Variants in TLN2 observed in about 807,000 individuals in gnomAD.
TLN2 encodes the protein talin 2.
In TLN2, 118 loss-of-function variants were observed where a neutral mutation model predicts 294.7. The observed-to-expected ratio is 0.40, with a 90% CI of 0.34 to 0.47. The LOEUF (loss-of-function observed/expected upper bound fraction) is 0.47. Ranked by LOEUF, TLN2 falls within the 20% of genes least tolerant of loss-of-function variation. The pLI is 0.84. For synonymous variants in TLN2, 1,431 were observed against 1,304.5 expected (o/e 1.10, Z -2.09); for missense variants, 3,083 against 3,282.2 (o/e 0.94, Z 1.48).
chr15:62,572,059 A>G (rs965532413), intron 1 of TLN2, among the ~76,000 whole-genome samples: 2 of 152,110 alleles, frequency 1.3e-5, no homozygotes, highest in African/African-American at 4.8e-5. Context: ...TGGCAGGAAC[A>G]TCGTAGATAC....
chr15:62,814,584 A>T (rs1175039993), intron 52 of TLN2, among the ~76,000 whole-genome samples: 5 of 152,152 alleles, frequency 3.3e-5, no homozygotes, highest in Non-Finnish European at 7.4e-5. Flanking sequence ...GTATTCATTT[A>T]TTTGTTCATG....
In TLN2 at chr15:62,447,555, C is replaced by T. The variant is rs575221408; in HGVS notation, c.-238+56870C>T. The stretch of plus-strand genomic sequence containing the variant: ...TGTCGCCCAGGCTGGAGTGCAATGG[C>T]GCGATCTTGCTCACTGCAAGCTCCG... On this transcript the variant is annotated intron_variant, in intron 1 of 58. Transcript: ENST00000636159. Among the ~76,000 whole-genome samples the T allele has an allele frequency of 8.8e-4, 131 of 148,942 alleles. 1 individual carries two copies. The highest frequency in any genetic ancestry group is 3.1e-3 in the African/African-American group (123 of 40,222).
chr15:62,726,801 A>T (rs1265444589), intron 27 of TLN2, among the ~76,000 whole-genome samples: 1 of 152,106 alleles, frequency 6.6e-6, no homozygotes, highest in Non-Finnish European at 1.5e-5. Context: ...GAGCCTAGGT[A>T]TTATGATCTC....
At chr15:62,783,407 C>A (rs533441582) in intron 44 of TLN2, among the ~76,000 whole-genome samples, 6 of 152,212 alleles carry the variant, frequency 3.9e-5, no homozygotes, top group African/African-American at 1.4e-4. Flanking sequence ...CCTCTGGTGA[C>A]CCCCCAGGGC....
At chr15:62,671,378 C>G (rs1329578503) in intron 9 of TLN2, among the ~76,000 whole-genome samples, 1 of 151,970 alleles carries the variant, frequency 6.6e-6, no homozygotes, top group African/African-American at 2.4e-5. Context: ...AAGATTTACT[C>G]CTGTATTTTC....
chr15:62,411,203 G>A (rs1351122880), intron 1 of TLN2, among the ~76,000 whole-genome samples: 3 of 152,216 alleles, frequency 2.0e-5, no homozygotes, highest in Non-Finnish European at 2.9e-5. Flanking sequence ...TCACAAACAT[G>A]CTGATGTGGG....
At chr15:62,454,957 T>C (rs1334046392) in intron 1 of TLN2, among the ~76,000 whole-genome samples, 1 of 152,132 alleles carries the variant, frequency 6.6e-6, no homozygotes, top group Non-Finnish European at 1.5e-5. Flanking sequence ...TCCACACAGC[T>C]TATTCCTCAC....
chr15:62,675,637 T>C (rs1468863556), intron 11 of TLN2, among the ~76,000 whole-genome samples: 1 of 152,228 alleles, frequency 6.6e-6, no homozygotes, highest in African/African-American at 2.4e-5. Flanking sequence ...GTTTCATTTA[T>C]GACTGTCAAG....
chr15:62,780,287 A>T lies in TLN2; in HGVS notation c.5515-853A>T, dbSNP rs114016102. On this transcript the variant is annotated intron_variant, in intron 43 of 58. Coordinates refer to ENST00000636159, the MANE Select transcript of TLN2 (RefSeq NM_015059.3). ...GTGAAGATGGGTTGCCTGTTTCTTC[A>T]TCATTGGCATTATCATCTTTATCAT... 4.1e-3 allele frequency among the ~76,000 whole-genome samples: 631 copies of T among 152,278 alleles called. 10 individuals carry two copies. The highest frequency in any genetic ancestry group is 0.013 in the African/African-American group (555 of 41,548).
intron 42 of TLN2, among the ~76,000 whole-genome samples, chr15:62,775,472 G>C (rs374352369): frequency 6.6e-6 from 1 of 152,302 alleles, no homozygotes; most frequent in African/African-American, 2.4e-5. Context: ...CCCAAAGAGA[G>C]TTCTGTGTAT....
chr15:62,603,114 C>G (rs2047140227), intron 2 of TLN2, among the ~76,000 whole-genome samples: 1 of 151,890 alleles, frequency 6.6e-6, no homozygotes, highest in Non-Finnish European at 1.5e-5. Context: ...GGATGGTCTC[C>G]ATCTCCTGAC....
chr15:62,718,094 G>A (rs1246907094), intron 24 of TLN2, among the ~76,000 whole-genome samples: 1 of 152,178 alleles, frequency 6.6e-6, no homozygotes, highest in East Asian at 1.9e-4. Context: ...TGCACCTCAA[G>A]GATTTATTTC....
At chr15:62,798,712 G>C (rs1485118357) in intron 48 of TLN2, among the ~76,000 whole-genome samples, 1 of 152,238 alleles carries the variant, frequency 6.6e-6, no homozygotes, top group African/African-American at 2.4e-5. Context: ...TGCAGTGACT[G>C]TGCTGGTTCA....
chr15:62,736,984 T>A lies in TLN2; in HGVS notation c.3465T>A (p.Asp1155Glu). The part of the protein sequence containing the change: ...TDPAAAHAML[D>E]SARDVMEGSA... The stretch of plus-strand genomic sequence containing the variant: ...CCGCGGCCGCCCATGCCATGTTAGA[T>A]TCTGCTCGAGACGTGATGGAGGGCT... Residue 1155 changes from aspartate (D) to glutamate (E), a missense_variant, in exon 29 of 59, where the codon GAT (aspartate) becomes GAA (glutamate). Coordinates refer to ENST00000636159, the MANE Select transcript of TLN2 (RefSeq NM_015059.3). 1 of 1,614,220 alleles carries A rather than the reference T, an allele frequency of 6.2e-7. No individual in the cohort carries two copies.
Position 62,663,719 on chromosome 15 carries a change from A to G in TLN2, c.788+5821A>G, listed in dbSNP as rs922459939. On this transcript the variant is annotated intron_variant, in intron 9 of 58. Transcript: ENST00000636159. ...ATTTACCTAGGAAGACAGCTGTCCAATGATCTCCAAGATCTCACCAATAAA... is the reference window on the plus strand; with the variant it reads ...ATTTACCTAGGAAGACAGCTGTCCAGTGATCTCCAAGATCTCACCAATAAA... 2.0e-5 allele frequency among the ~76,000 whole-genome samples: 3 copies of G among 152,054 alleles called. 1 individual carries two copies. The highest frequency in any genetic ancestry group is 7.3e-5 in the African/African-American group (3 of 41,312).
In TLN2 at chr15:62,825,831, T is replaced by C. The variant is rs1310901009; in HGVS notation, c.7002+5221T>C. On this transcript the variant is annotated intron_variant, in intron 54 of 58. Transcript: ENST00000636159. ...TATTATATTATAATATATATTATAA[T>C]ATATAATATATATAAATATATTATA... 6.7e-4 allele frequency among the ~76,000 whole-genome samples: 4 copies of C among 5,928 alleles called. 1 individual carries two copies. The South Asian group carries it at 0.032, about 48-fold the overall frequency. 3.9% of individuals were successfully genotyped at this position (5,928 alleles called of 152,430 possible).
At chr15:62,565,044 T>C (rs1239712415) in intron 1 of TLN2, among the ~76,000 whole-genome samples, 6 of 151,822 alleles carry the variant, frequency 4.0e-5, no homozygotes, top group African/African-American at 1.5e-4. Flanking sequence ...ATGCAGGAGC[T>C]GCTAATTTGT....
At chr15:62,673,068 T>TGTGTGTGTGTG (rs1266665767) in intron 9 of TLN2, among the ~76,000 whole-genome samples, 3 of 33,492 alleles carry the variant, frequency 9.0e-5, no homozygotes, top group East Asian at 2.0e-3. Flanking sequence ...ATATCCTAAT[T>TGTGTGTGTGTG]TAATTGTGTG....
At chr15:62,427,701 C>T (rs2034792262) in intron 1 of TLN2, among the ~76,000 whole-genome samples, 1 of 152,136 alleles carries the variant, frequency 6.6e-6, no homozygotes, top group South Asian at 2.1e-4. Flanking sequence ...TGCCATGTCT[C>T]TCTGGGGCAG....
Sources: gnomAD v4.1 joint callset for allele counts (sites outside exome capture counted in the v4.1 genomes callset) on GRCh38, gnomAD v4.1.1 for gene constraint, MANE v1.5 for transcripts, NCBI Gene and HGNC (gene_info 2026-07-23, HGNC 2026-07-21) for gene names.